Variants in GULP1 observed in about 807,000 individuals in gnomAD.
The protein encoded by GULP1 is GULP PTB domain containing engulfment adaptor 1, also known as PTB domain-containing engulfment adapter protein 1.
Under a neutral mutation model 40.9 loss-of-function variants are expected in GULP1, and 19 were observed. The ratio of observed to expected loss-of-function variants is 0.46; its 90% CI spans 0.32 to 0.68. GULP1 has a LOEUF of 0.68. Among genes scored for constraint, GULP1 ranks in the 30% least tolerant of loss-of-function variants. The pLI, the probability that GULP1 is intolerant of heterozygous loss-of-function variation, is 0.03. For missense variants in GULP1, 312 were observed against 362.2 expected (o/e 0.86, Z 1.12); for synonymous variants, 119 against 117.6 (o/e 1.01, Z -0.08).
At chr2:188,331,558 T>G (rs1030455618) in intron 1 of GULP1, among the ~76,000 whole-genome samples, 5 of 152,318 alleles carry the variant, frequency 3.3e-5, no homozygotes, top group Admixed American at 2.6e-4. Context: ...TCAGCAAATT[T>G]ACATTTTTTG....
chr2:188,515,511 T>G (rs1209804844), intron 4 of GULP1, among the ~76,000 whole-genome samples: 1 of 152,160 alleles, frequency 6.6e-6, no homozygotes, highest in Non-Finnish European at 1.5e-5. Flanking sequence ...CATGTTAACC[T>G]TAATATGCTT....
intron 1 of GULP1, among the ~76,000 whole-genome samples, chr2:188,323,150 A>G (rs2106633707): frequency 6.6e-6 from 1 of 151,996 alleles, no homozygotes; most frequent in Middle Eastern, 3.4e-3. Flanking sequence ...TCCAGCTCAC[A>G]TTTTGCCTCT....
At chr2:188,507,406 T>C (rs2064033503) in intron 4 of GULP1, among the ~76,000 whole-genome samples, 1 of 150,398 alleles carries the variant, frequency 6.6e-6, no homozygotes, top group Non-Finnish European at 1.5e-5. Flanking sequence ...CTTTTTTTTT[T>C]TTTTTTTTTG....
chr2:188,361,641 A>C (rs1318799841), intron 1 of GULP1, among the ~76,000 whole-genome samples: 1 of 152,116 alleles, frequency 6.6e-6, no homozygotes, highest in African/African-American at 2.4e-5. Context: ...GTTCACACCT[A>C]AACCAAATTG....
At chr2:188,584,938 T>C (rs1189306156) in intron 10 of GULP1, among the ~76,000 whole-genome samples, 1 of 152,198 alleles carries the variant, frequency 6.6e-6, no homozygotes, top group Non-Finnish European at 1.5e-5. Flanking sequence ...TTAAAGTCTC[T>C]TTTTGATGAA....
chr2:188,514,077 G>GTGTGTGTGTGTA (rs1221246994), intron 4 of GULP1, among the ~76,000 whole-genome samples: 2 of 150,024 alleles, frequency 1.3e-5, no homozygotes, highest in East Asian at 3.9e-4. Flanking sequence ...GTGTGTGTGT[G>GTGTGTGTGTGTA]TGTGTGCGCC....
Position 188,292,054 on chromosome 2 carries a change from G to C in GULP1, c.-284G>C, listed in dbSNP as rs1331636680. 1 of 152,226 alleles carries C rather than the reference G, an allele frequency of 6.6e-6. No individual in the cohort carries two copies. The highest frequency in any genetic ancestry group is 1.9e-4 in the East Asian group (1 of 5,158). The allele number at this position is 152,226 out of a possible 1,614,324, so 9.4% of individuals were successfully genotyped here. A position where few individuals can be genotyped will look rare whatever the true frequency, so the allele number is the denominator to read the frequency against. On this transcript the variant is annotated 5_prime_UTR_variant, in exon 1 of 12. Coordinates refer to ENST00000409830, the MANE Select transcript of GULP1 (RefSeq NM_016315.4). This position sits in a 1 kb window ranked among gnomAD's most constrained non-coding sequence, Gnocchi z 4.0. ...TTGGCGTAGAGAAACTTTCCCTCTC[G>C]GCCTCGGAGACGGCGCCCCGGCCGT...
chr2:188,372,053 A>T (rs1454519914), intron 1 of GULP1, among the ~76,000 whole-genome samples: 1 of 152,102 alleles, frequency 6.6e-6, no homozygotes, highest in Non-Finnish European at 1.5e-5. Context: ...TTGTTTCTTT[A>T]ATTTCACTTG....
intron 1 of GULP1, among the ~76,000 whole-genome samples, chr2:188,296,586 T>TC (rs1234225155): frequency 5.3e-5 from 8 of 152,026 alleles, no homozygotes; most frequent in Non-Finnish European, 1.2e-4. Context: ...AAAAATAGTT[T>TC]TGAAAAGGCT....
At chr2:188,334,500 C>A (rs1177006468) in intron 1 of GULP1, among the ~76,000 whole-genome samples, 2 of 152,084 alleles carry the variant, frequency 1.3e-5, no homozygotes, top group Non-Finnish European at 2.9e-5. Context: ...GGGGTGTGGT[C>A]CATGTATAAG....
chr2:188,564,145 G>A (rs946195188), intron 7 of GULP1, among the ~76,000 whole-genome samples: 1 of 151,820 alleles, frequency 6.6e-6, no homozygotes, highest in Non-Finnish European at 1.5e-5. Flanking sequence ...AAGTTCTACA[G>A]GTAACATCAT....
chr2:188,533,211 C>G (rs574791083), intron 6 of GULP1, among the ~76,000 whole-genome samples: 1 of 151,882 alleles, frequency 6.6e-6, no homozygotes, highest in African/African-American at 2.4e-5. Context: ...TAAAAAATAG[C>G]GTATGATACT....
At chr2:188,384,367 A>T (rs931304501) in intron 2 of GULP1, 4 of 152,142 alleles carry the variant, frequency 2.6e-5, no homozygotes, top group African/African-American at 9.7e-5. Flanking sequence ...TGTGAGACCC[A>T]CTCACTATCA....
At chr2:188,368,933 A>ATGTG (rs1553534363) in intron 1 of GULP1, among the ~76,000 whole-genome samples, 1 of 43,354 alleles carries the variant, frequency 2.3e-5, no homozygotes, top group Non-Finnish European at 3.8e-5. Context: ...GTATATATAT[A>ATGTG]TGTGTGTATA....
intron 2 of GULP1, among the ~76,000 whole-genome samples, chr2:188,401,164 T>C (rs974964732): frequency 1.8e-4 from 27 of 152,030 alleles, no homozygotes; most frequent in Non-Finnish European, 5.9e-5. Flanking sequence ...TTGAAAAAAG[T>C]ATATATGATT....
chr2:188,437,728 T>C (rs899714660), intron 2 of GULP1, among the ~76,000 whole-genome samples: 26 of 152,198 alleles, frequency 1.7e-4, no homozygotes, highest in African/African-American at 6.0e-4. Flanking sequence ...ATATACAGCA[T>C]GGAATACTAT....
At chr2:188,484,165 C>T (rs1416426857) in intron 4 of GULP1, among the ~76,000 whole-genome samples, 1 of 152,100 alleles carries the variant, frequency 6.6e-6, no homozygotes, top group Non-Finnish European at 1.5e-5. Flanking sequence ...GCCTCAGCCC[C>T]CCAAAGTGCT....
chr2:188,299,375 C>T (rs1345374930), intron 1 of GULP1, among the ~76,000 whole-genome samples: 1 of 152,180 alleles, frequency 6.6e-6, no homozygotes, highest in African/African-American at 2.4e-5. Context: ...GCTCAATATA[C>T]TAACATATTG....
intron 1 of GULP1, among the ~76,000 whole-genome samples, chr2:188,323,336 T>C (rs1574410006): frequency 6.6e-6 from 1 of 152,062 alleles, no homozygotes; most frequent in African/African-American, 2.4e-5. Context: ...TAGAGTCAGG[T>C]ATATCTAGTT....
Sources: allele counts gnomAD v4.1 joint callset (sites outside exome capture counted in the v4.1 genomes callset), GRCh38; gene constraint gnomAD v4.1.1; non-coding constraint Gnocchi (gnomAD v3.1); transcripts MANE v1.5; gene names NCBI Gene and HGNC (gene_info 2026-07-23, HGNC 2026-07-21).